Variants in LRRFIP2 observed in about 807,000 individuals in gnomAD.
LRRFIP2 encodes leucine-rich repeat flightless-interacting protein 2.
A neutral mutation model predicts 125.9 loss-of-function variants in LRRFIP2; 109 were observed. The observed-to-expected ratio is 0.87, with a 90% confidence interval of 0.74 to 1.01. The LOEUF (loss-of-function observed/expected upper bound fraction) is 1.01, where lower values mean the gene tolerates loss of function less well. LRRFIP2 is among the 50% of genes least tolerant of loss of function. LRRFIP2 has a pLI of 0.00. For missense variants in LRRFIP2, 850 were observed against 862.3 expected (o/e 0.99, Z 0.18); for synonymous variants, 291 against 293.1 (o/e 0.99, Z 0.07).
intron 8 of LRRFIP2, among the ~76,000 whole-genome samples, chr3:37,112,343 A>G (rs1204867099): frequency 2.7e-5 from 4 of 146,444 alleles, no homozygotes; most frequent in African/African-American, 7.5e-5. Flanking sequence ...TCAAAAAAAG[A>G]AAAAAAAAAA....
intron 25 of LRRFIP2, 85 bp downstream of exon 25, chr3:37,058,705 C>A: frequency 4.3e-5 from 56 of 1,310,148 alleles, no homozygotes; most frequent in Non-Finnish European, 5.2e-5. Flanking sequence ...AAGTGTATTA[C>A]AAGATACCAG....
At chr3:37,162,725 CAGAA>C (rs905090554) in intron 1 of LRRFIP2, among the ~76,000 whole-genome samples, 1 of 152,136 alleles carries the variant, frequency 6.6e-6, no homozygotes, top group African/African-American at 2.4e-5. Context: ...AGGTGTATCT[CAGAA>C]AGAAAGCTAC....
intron 2 of LRRFIP2, among the ~76,000 whole-genome samples, chr3:37,140,090 AGT>A (rs2095654523): frequency 6.6e-6 from 1 of 152,138 alleles, no homozygotes; most frequent in Non-Finnish European, 1.5e-5. Flanking sequence ...CTCCAATACT[AGT>A]GTCTCCTGGT....
intron 4 of LRRFIP2, among the ~76,000 whole-genome samples, chr3:37,124,135 T>C (rs1213983636): frequency 6.6e-6 from 1 of 152,176 alleles, no homozygotes; most frequent in Non-Finnish European, 1.5e-5. Flanking sequence ...GGAAATATTC[T>C]ATATTTGTGC....
chr3:37,119,944 G>A (rs981548217), intron 6 of LRRFIP2, among the ~76,000 whole-genome samples: 3 of 152,028 alleles, frequency 2.0e-5, no homozygotes, highest in African/African-American at 7.2e-5. Context: ...TTACAGATGT[G>A]AGCCACCGCT....
At chr3:37,107,944 ACTAAGGGAACAC>A in intron 13 of LRRFIP2, 117 bp downstream of exon 13, 1 of 647,812 alleles carries the variant, frequency 1.5e-6, no homozygotes, top group Non-Finnish European at 2.6e-6. Context: ...GAGTTTATGT[ACTAAGGGAACAC>A]CTAATCCATG....
intron 18 of LRRFIP2, among the ~76,000 whole-genome samples, chr3:37,086,172 C>T (rs1228320090): frequency 6.6e-6 from 1 of 152,168 alleles, no homozygotes; most frequent in Non-Finnish European, 1.5e-5. Flanking sequence ...CAATAAGATA[C>T]CACCACACTC....
intron 6 of LRRFIP2, among the ~76,000 whole-genome samples, chr3:37,120,992 A>T (rs1308673124): frequency 1.3e-5 from 2 of 152,194 alleles, no homozygotes; most frequent in African/African-American, 2.4e-5. Context: ...AACCTGGGGC[A>T]TTCTATAAAA....
chr3:37,168,858 C>T (rs773564698), intron 1 of LRRFIP2, among the ~76,000 whole-genome samples: 4 of 152,216 alleles, frequency 2.6e-5, no homozygotes, highest in African/African-American at 4.8e-5. Context: ...TAGCACACTA[C>T]AGCCTAGAAC....
intron 2 of LRRFIP2, among the ~76,000 whole-genome samples, chr3:37,137,735 C>A (rs1451824766): frequency 6.6e-6 from 1 of 152,170 alleles, no homozygotes; most frequent in Non-Finnish European, 1.5e-5. Flanking sequence ...TCTGACTTCT[C>A]TACCAAAATA....
chr3:37,054,382 T>C, intron 27 of LRRFIP2, 29 bp downstream of exon 27: 1 of 1,534,924 alleles, frequency 6.5e-7, no homozygotes, highest in Non-Finnish European at 9.0e-7. Flanking sequence ...TAGGAATGTA[T>C]TCTCCAAGAA....
chr3:37,166,278 C>A (rs1244048192), intron 1 of LRRFIP2, among the ~76,000 whole-genome samples: 1 of 151,774 alleles, frequency 6.6e-6, no homozygotes, highest in African/African-American at 2.4e-5. Context: ...TGCAGTGAGC[C>A]GAGATTGGGC....
intron 24 of LRRFIP2, among the ~76,000 whole-genome samples, chr3:37,063,324 A>G (rs1269477262): frequency 6.6e-6 from 1 of 152,222 alleles, no homozygotes; most frequent in Non-Finnish European, 1.5e-5. Flanking sequence ...AAGGATGAAA[A>G]ACAGCTAAAT....
intron 26 of LRRFIP2, among the ~76,000 whole-genome samples, 199 bp downstream of exon 26, chr3:37,054,887 T>C (rs544976032): frequency 1.6e-5 from 1 of 63,920 alleles, no homozygotes; most frequent in South Asian, 3.4e-4. Context: ...CTACAAAAAC[T>C]GATAGCTATA....
In LRRFIP2 at chr3:37,127,651, C is replaced by G. The variant is rs746175373; in HGVS notation, c.207G>C (p.Trp69Cys). The G allele has an allele frequency of 4.3e-6, 7 of 1,613,820 alleles. No individual in the cohort carries two copies. The African/African-American group carries it at 9.3e-5, about 22-fold the overall frequency. ...CTACCAGCCACTTCTGAATCTGTCC[C>G]CACTTCCGATCAAAGGAATGAAGAG... ...EYSLHSFDRK[W>C]GQIQKWLEDS... Residue 69 changes from tryptophan to cysteine, a missense_variant, in exon 4 of 28, where the codon TGG (tryptophan) becomes TGC (cysteine). Trp to Cys is a radical substitution (Grantham distance 215). Transcript: ENST00000336686.
intron 15 of LRRFIP2, among the ~76,000 whole-genome samples, chr3:37,100,703 A>G (rs903012937): frequency 9.2e-5 from 14 of 152,218 alleles, no homozygotes; most frequent in African/African-American, 3.1e-4. Context: ...ATAAATTAAG[A>G]GGCTGACAGA....
intron 6 of LRRFIP2, 105 bp downstream of exon 6, chr3:37,121,387 A>T: frequency 9.3e-7 from 1 of 1,079,296 alleles, no homozygotes. Context: ...TACTTCTTTT[A>T]AAAACGCAAA....
chr3:37,127,441 G>A (rs1443285208), intron 4 of LRRFIP2, among the ~76,000 whole-genome samples, 189 bp downstream of exon 4: 1 of 152,132 alleles, frequency 6.6e-6, no homozygotes, highest in African/African-American at 2.4e-5. Context: ...TGAGGATACT[G>A]ACTACAACAT....
At chr3:37,139,703 G>A (rs1450169682) in intron 2 of LRRFIP2, among the ~76,000 whole-genome samples, 2 of 152,050 alleles carry the variant, frequency 1.3e-5, no homozygotes, top group African/African-American at 4.8e-5. Context: ...CCAGGACTTT[G>A]TCCCAACTAT....
Sources: gnomAD v4.1 joint callset for allele counts (sites outside exome capture counted in the v4.1 genomes callset) on GRCh38, gnomAD v4.1.1 for gene constraint, MANE v1.5 for transcripts, NCBI Gene and HGNC (gene_info 2026-07-23, HGNC 2026-07-21) for gene names.